PREX2: variants seen among roughly 807,000 people sequenced by gnomAD.
The protein encoded by PREX2 is phosphatidylinositol-3,4,5-trisphosphate dependent Rac exchange factor 2.
PREX2 carries 107 observed loss-of-function variants against 203.2 expected under a neutral mutation model. The ratio of observed to expected loss-of-function variants is 0.53; its 90% confidence interval spans 0.45 to 0.62. PREX2 has a LOEUF of 0.62. PREX2 is among the 20% of genes least tolerant of loss of function. PREX2 has a pLI of 0.00. For missense variants in PREX2, 1,777 were observed against 1,955.9 expected, an observed-to-expected ratio of 0.91 and a Z score of 1.72; for synonymous variants, 672 against 663.6, an observed-to-expected ratio of 1.01 and a Z score of -0.19.
chr8:67,958,233 G>A (rs139738068), intron 1 of PREX2, among the ~76,000 whole-genome samples: 5 of 152,300 alleles, frequency 3.3e-5, no homozygotes, highest in African/African-American at 1.2e-4. Context: ...TGCGACACTA[G>A]AGCCATAAGC....
chr8:68,023,797 A>G (rs538416797), intron 4 of PREX2, among the ~76,000 whole-genome samples: 1 of 152,174 alleles, frequency 6.6e-6, no homozygotes, highest in African/African-American at 2.4e-5. Flanking sequence ...ATATATGGAA[A>G]TTTAACTGGC....
chr8:68,234,588 T>G lies in PREX2; in HGVS notation c.*3210T>G, dbSNP rs760676618. The G allele has an allele frequency of 1.5e-4, 23 of 152,212 alleles. No individual in the cohort carries two copies. Among genetic ancestry groups the G allele is most frequent in the Non-Finnish European group, 1.3e-4 (9 of 68,042 alleles). The allele number at this position is 152,212 out of a possible 1,614,324, so 9.4% of individuals were successfully genotyped here. A position where few individuals can be genotyped will look rare whatever the true frequency, so the allele number is the denominator to read the frequency against. ...AGAATTTTACATGTATTTCCATTCC[T>G]ATTTAAAGAGAGAAAATGGGGAGAT... On this transcript the variant is annotated 3_prime_UTR_variant, in exon 40 of 40. Transcript: ENST00000288368.
intron 1 of PREX2, among the ~76,000 whole-genome samples, chr8:67,988,866 G>A (rs1029598671): frequency 7.9e-5 from 12 of 152,158 alleles, no homozygotes; most frequent in Non-Finnish European, 1.8e-4. Flanking sequence ...GCCAACTATC[G>A]CCAAGAGGCA....
chr8:67,995,819 T>G (rs757920828), intron 1 of PREX2, among the ~76,000 whole-genome samples: 1 of 152,200 alleles, frequency 6.6e-6, no homozygotes, highest in African/African-American at 2.4e-5. Flanking sequence ...GGTTGACATA[T>G]GTTTCCATTT....
intron 1 of PREX2, among the ~76,000 whole-genome samples, chr8:67,964,304 T>C (rs1374348046): frequency 6.6e-6 from 1 of 152,268 alleles, no homozygotes; most frequent in Non-Finnish European, 1.5e-5. Flanking sequence ...GACTGGGAAA[T>C]ACGCTGACTG....
chr8:68,005,264 A>T (rs1807060320), intron 1 of PREX2, among the ~76,000 whole-genome samples: 1 of 152,130 alleles, frequency 6.6e-6, no homozygotes, highest in Non-Finnish European at 1.5e-5. Context: ...GCCAGCAATA[A>T]CTTCATAACG....
chr8:68,231,617 T>G lies in PREX2; in HGVS notation c.*239T>G. 2.7e-6 allele frequency: 1 copy of G among 367,308 alleles called. No homozygotes were observed. 22.8% of individuals were successfully genotyped at this position (367,308 alleles called of 1,614,324 possible). A position where few individuals can be genotyped will look rare whatever the true frequency, so the allele number is the denominator to read the frequency against. ...TTCACGAACTGATGTCTCTCTGTAT[T>G]GACATTAAGTATTCACTTTTAGAGT... On this transcript the variant is annotated 3_prime_UTR_variant, in exon 40 of 40. Transcript: ENST00000288368.
At chr8:68,161,342 C>T (rs368248602) in intron 35 of PREX2, among the ~76,000 whole-genome samples, 11 of 152,012 alleles carry the variant, frequency 7.2e-5, no homozygotes, top group Admixed American at 5.9e-4. Context: ...ATCTGCCCAC[C>T]TCAGCCTCCT....
intron 11 of PREX2, among the ~76,000 whole-genome samples, chr8:68,063,084 T>C (rs568259209): frequency 6.6e-6 from 1 of 152,342 alleles, no homozygotes; most frequent in East Asian, 1.9e-4. Context: ...TTTTAGCATC[T>C]GGTAGGCTAA....
rs1813225900 is a variant in PREX2, at chr8:68,234,310, A to G, written c.*2932A>G. On this transcript the variant is annotated 3_prime_UTR_variant, in exon 40 of 40. Transcript: ENST00000288368. ...CTCTATAACCAGTGCACCTTCAAAT[A>G]CTGCTAAAACCTGCTAACTTCTTCC... The G allele has an allele frequency of 1.3e-5, 2 of 152,282 alleles. No individual in the cohort carries two copies. Among genetic ancestry groups the G allele is most frequent in the Admixed American group, 6.5e-5 (1 of 15,288 alleles). The allele number at this position is 152,282 out of a possible 1,614,324, so 9.4% of individuals were successfully genotyped here.
At chr8:68,228,722 C>T (rs914549681) in intron 39 of PREX2, among the ~76,000 whole-genome samples, 7 of 151,798 alleles carry the variant, frequency 4.6e-5, no homozygotes, top group African/African-American at 7.3e-5. Context: ...GCCGAGACTG[C>T]GCCACTGCAC....
intron 21 of PREX2, among the ~76,000 whole-genome samples, chr8:68,094,745 C>T (rs1473041024): frequency 7.9e-5 from 12 of 152,176 alleles, no homozygotes; most frequent in African/African-American, 2.9e-4. Context: ...CCAACCAATT[C>T]CCCAAATCTC....
At chr8:68,143,160 T>C (rs1203487402) in intron 33 of PREX2, among the ~76,000 whole-genome samples, 2 of 152,202 alleles carry the variant, frequency 1.3e-5, no homozygotes, top group Non-Finnish European at 2.9e-5. Flanking sequence ...TGTGTGTCCT[T>C]ACCCAAATCT....
chr8:68,108,890 T>C, intron 24 of PREX2: 1 of 242,284 alleles, frequency 4.1e-6, no homozygotes, highest in Non-Finnish European at 8.4e-6. Flanking sequence ...ATCCTGTCAT[T>C]TGTGACAACA....
chr8:67,988,826 C>A (rs1806514077), intron 1 of PREX2, among the ~76,000 whole-genome samples: 1 of 152,176 alleles, frequency 6.6e-6, no homozygotes, highest in African/African-American at 2.4e-5. Flanking sequence ...AGCCTGTGCC[C>A]CACCCCATGG....
In PREX2 at chr8:68,119,407, GTTTTGT is replaced by G. The variant is rs747936641; in HGVS notation, c.3422-15_3422-10del. The G allele has an allele frequency of 7.6e-6, 12 of 1,578,150 alleles. No homozygotes were observed. The highest frequency in any genetic ancestry group is 1.0e-5 in the Non-Finnish European group (12 of 1,150,624). On this transcript the variant is annotated intron_variant, in intron 27 of 39. Coordinates refer to ENST00000288368, the MANE Select transcript of PREX2 (RefSeq NM_024870.4). The stretch of plus-strand genomic sequence containing the variant: ...ATAAGATGAGTGATTTTGGTTTTTG[GTTTTGT>G]TTTTGTTTTGACATCTAGGTGATGA...
At chr8:68,135,011 A>G (rs1218491491) in intron 32 of PREX2, among the ~76,000 whole-genome samples, 2 of 152,124 alleles carry the variant, frequency 1.3e-5, no homozygotes, top group Non-Finnish European at 2.9e-5. Context: ...TAGAACTGTG[A>G]TTTTAAACAT....
In PREX2 at chr8:68,083,243, G is replaced by T; in HGVS notation, c.1882G>T (p.Ala628Ser). ...LVEKGSNAEM[A>S]GMEVGKKIFA... ...TTTTTTGTAATTTCTCTCTTAGATG[G>T]CTGGCATGGAAGTCGGGAAAAAGAT... The change falls in exon 18 of 40, where the codon GCT (alanine) becomes TCT (serine). Residue 628 changes from alanine to serine, a missense_variant. Coordinates refer to ENST00000288368, the MANE Select transcript of PREX2 (RefSeq NM_024870.4). 1 of 1,578,772 alleles carries T rather than the reference G, an allele frequency of 6.3e-7. No individual in the cohort carries two copies.
At chr8:67,980,586 A>G (rs1246330545) in intron 1 of PREX2, among the ~76,000 whole-genome samples, 3 of 152,206 alleles carry the variant, frequency 2.0e-5, no homozygotes, top group Admixed American at 2.0e-4. Flanking sequence ...CATTGCTGAT[A>G]CGGTTTGGCT....
Sources: gnomAD v4.1 joint callset for allele counts (sites outside exome capture counted in the v4.1 genomes callset) on GRCh38, gnomAD v4.1.1 for gene constraint, MANE v1.5 for transcripts, NCBI Gene and HGNC (gene_info 2026-07-23, HGNC 2026-07-21) for gene names.